PRKCH: variants seen among roughly 807,000 people sequenced by gnomAD.
PRKCH encodes the protein protein kinase C eta type.
In PRKCH, 28 loss-of-function variants were observed where a neutral mutation model predicts 82.5. That is an observed-to-expected ratio of 0.34 (90% CI 0.25 to 0.47). PRKCH has a LOEUF of 0.47. Among genes scored for constraint, PRKCH ranks in the 20% least tolerant of loss-of-function variants. The pLI is 1.00. For synonymous variants in PRKCH, 322 were observed against 327.4 expected (o/e 0.98, Z 0.18); for missense variants, 705 against 881.8 (o/e 0.80, Z 2.54).
chr14:61,337,010 G>A (rs2045865743), intron 1 of PRKCH, among the ~76,000 whole-genome samples: 1 of 149,316 alleles, frequency 6.7e-6, no homozygotes, highest in African/African-American at 2.5e-5. Flanking sequence ...CGAGGTGGAG[G>A]TTGCAGTGAG....
chr14:61,246,943 A>G (rs2044889711), intron 1 of PRKCH, among the ~76,000 whole-genome samples: 1 of 151,868 alleles, frequency 6.6e-6, no homozygotes, highest in African/African-American at 2.4e-5. Flanking sequence ...TTCGGCCCCC[A>G]TTGTTGGCCT....
chr14:61,382,660 A>G (rs1463538847), intron 1 of PRKCH, among the ~76,000 whole-genome samples: 1 of 152,346 alleles, frequency 6.6e-6, no homozygotes, highest in Non-Finnish European at 1.5e-5. Context: ...AGAGCCATCC[A>G]GCCAAGAATT....
At chr14:61,451,478 A>C (rs1361502086) in intron 6 of PRKCH, among the ~76,000 whole-genome samples, 3 of 152,202 alleles carry the variant, frequency 2.0e-5, no homozygotes, top group Non-Finnish European at 4.4e-5. Context: ...GTCACAGCAT[A>C]AAAAGAGCTG....
chr14:61,359,600 ACT>A (rs1244348447), intron 1 of PRKCH, among the ~76,000 whole-genome samples: 1 of 152,096 alleles, frequency 6.6e-6, no homozygotes, highest in Non-Finnish European at 1.5e-5. Context: ...CTTCTTGTAT[ACT>A]CTGAGAGAGA....
intron 6 of PRKCH, among the ~76,000 whole-genome samples, chr14:61,452,426 G>C (rs772737191): frequency 6.6e-6 from 1 of 152,114 alleles, no homozygotes; most frequent in African/African-American, 2.4e-5. Context: ...GTTGCTTGTC[G>C]CTTCAGTTTC....
At chr14:61,198,253 AC>A (rs1303266155) in intron 1 of PRKCH, among the ~76,000 whole-genome samples, 1 of 152,182 alleles carries the variant, frequency 6.6e-6, no homozygotes, top group Non-Finnish European at 1.5e-5. Context: ...TGCACTGAAT[AC>A]ATTGTCCTTC....
chr14:61,276,699 T>C (rs2045205532), intron 1 of PRKCH, among the ~76,000 whole-genome samples: 1 of 23,774 alleles, frequency 4.2e-5, no homozygotes, highest in African/African-American at 1.5e-4. Flanking sequence ...GGACTTCTTA[T>C]ATCCAAGGAA....
intron 1 of PRKCH, among the ~76,000 whole-genome samples, chr14:61,354,940 A>G (rs2046129687): frequency 6.6e-6 from 1 of 152,252 alleles, no homozygotes; most frequent in African/African-American, 2.4e-5. Flanking sequence ...TATACCAGGC[A>G]CAGAAATTCA....
intron 1 of PRKCH, among the ~76,000 whole-genome samples, chr14:61,201,919 G>A (rs775873584): frequency 1.6e-4 from 24 of 152,126 alleles, no homozygotes; most frequent in Admixed American, 2.6e-4. Context: ...TGAGCCTGGG[G>A]TGCTGATTAT....
intron 1 of PRKCH, among the ~76,000 whole-genome samples, chr14:61,273,465 AC>A (rs1246233310): frequency 6.6e-6 from 1 of 152,238 alleles, no homozygotes; most frequent in Non-Finnish European, 1.5e-5. Flanking sequence ...ATAGAATATT[AC>A]AGTAAGTAAA....
At chr14:61,332,061 G>A (rs577064241) in intron 1 of PRKCH, among the ~76,000 whole-genome samples, 13 of 152,298 alleles carry the variant, frequency 8.5e-5, no homozygotes, top group Admixed American at 6.5e-4. Flanking sequence ...TCCCTGTTAC[G>A]GCAAGTCAGA....
At chr14:61,371,203 T>A (rs2046361022) in intron 1 of PRKCH, among the ~76,000 whole-genome samples, 1 of 152,106 alleles carries the variant, frequency 6.6e-6, no homozygotes, top group Non-Finnish European at 1.5e-5. Flanking sequence ...AGAGAAACTG[T>A]GAAGATAGTG....
At chr14:61,423,095 C>T (rs936305447) in intron 2 of PRKCH, among the ~76,000 whole-genome samples, 1 of 152,128 alleles carries the variant, frequency 6.6e-6, no homozygotes, top group Non-Finnish European at 1.5e-5. Flanking sequence ...TAGGTGATTC[C>T]GAGGCAAGGC....
At chr14:61,334,104 C>G (rs2045823045) in intron 1 of PRKCH, among the ~76,000 whole-genome samples, 1 of 152,192 alleles carries the variant, frequency 6.6e-6, no homozygotes, top group South Asian at 2.1e-4. Flanking sequence ...GAATCCAGCT[C>G]TCTAGACTTC....
At chr14:61,237,442 C>CA (rs988852414) in intron 1 of PRKCH, among the ~76,000 whole-genome samples, 8 of 152,186 alleles carry the variant, frequency 5.3e-5, no homozygotes, top group African/African-American at 1.9e-4. Context: ...TCCAGGTCTT[C>CA]ATCCTGATCG....
At chr14:61,285,804 C>A (rs1445120399) in intron 1 of PRKCH, among the ~76,000 whole-genome samples, 1 of 152,164 alleles carries the variant, frequency 6.6e-6, no homozygotes, top group East Asian at 1.9e-4. Context: ...TGTCCTGTTT[C>A]TTCAACCATG....
intron 12 of PRKCH, among the ~76,000 whole-genome samples, chr14:61,532,676 G>A (rs926240721): frequency 6.6e-6 from 1 of 152,182 alleles, no homozygotes. Context: ...GGTGAGCTCA[G>A]TTACTTCAAG....
At chr14:61,232,991 T>G (rs541910172) in intron 1 of PRKCH, among the ~76,000 whole-genome samples, 1 of 152,190 alleles carries the variant, frequency 6.6e-6, no homozygotes. Flanking sequence ...ATAGTATCAT[T>G]GTCCACCCCT....
rs1555386066 is a variant in PRKCH at position 61,428,076 on chromosome 14, T to TACACAC, written c.428-15019_428-15014dup. On this transcript the variant is annotated intron_variant, in intron 2 of 13. Coordinates refer to ENST00000332981, the MANE Select transcript of PRKCH (RefSeq NM_006255.5). ...ATAGATAGATAGATAGATAGATAGA[T>TACACAC]ACACACACACACACACACACATATA... 2.8e-3 allele frequency among the ~76,000 whole-genome samples: 355 copies of TACACAC among 126,252 alleles called. 6 individuals carry two copies. Among genetic ancestry groups the TACACAC allele is most frequent in the African/African-American group, 0.01 (340 of 32,758 alleles). 82.8% of individuals were successfully genotyped at this position (126,252 alleles called of 152,430 possible).
Sources: gnomAD v4.1 joint callset for allele counts (sites outside exome capture counted in the v4.1 genomes callset) on GRCh38, gnomAD v4.1.1 for gene constraint, MANE v1.5 for transcripts, NCBI Gene and HGNC (gene_info 2026-07-23, HGNC 2026-07-21) for gene names.